Variants in NEUROD2 observed in about 807,000 individuals in gnomAD.
NEUROD2 encodes the protein neurogenic differentiation factor 2.
In NEUROD2, 5 loss-of-function variants were observed where a neutral mutation model predicts 9.3. That is an observed-to-expected ratio of 0.54 (90% CI 0.28 to 1.13). The LOEUF (loss-of-function observed/expected upper bound fraction) is 1.13, where lower values mean the gene tolerates loss of function less well. Among genes scored for constraint, NEUROD2 ranks in the 50% most tolerant of loss-of-function variants. The probability of loss-of-function intolerance (pLI) is 0.10; values close to 1 mark genes in which losing one functional copy is unlikely to be tolerated. For missense variants in NEUROD2, 376 were observed against 549.2 expected (o/e 0.68, Z 3.15); for synonymous variants, 277 against 257.3 (o/e 1.08, Z -0.73).
rs762213322 is a variant in NEUROD2 at position 39,606,072 on chromosome 17, G to T, written c.528C>A (p.Ile176=). The stretch of plus-strand genomic sequence containing the variant: ...GGTCTGGCCGCTTGCCGGAGCGCAG[G>T]ATCTCCGAGAGCGCCCAGATATAGT... ...AKNYIWALSE[I]LRSGKRPDLV... Residue 176 remains isoleucine, a synonymous_variant, in exon 2 of 2, where the codon ATC becomes ATA. Coordinates refer to ENST00000302584, the MANE Select transcript of NEUROD2 (RefSeq NM_006160.4). The surrounding 1 kb of genome is among the most constrained non-coding windows in gnomAD (Gnocchi z 7.8). 6.2e-7 allele frequency: 1 copy of T among 1,614,052 alleles called. No homozygotes were observed. The highest frequency in any genetic ancestry group is 1.1e-5 in the South Asian group (1 of 91,080).
rs148487519 is a variant in NEUROD2, at chr17:39,606,983, G to T, written c.-5-379C>A. The T allele has an allele frequency of 4.9e-3, 894 of 184,234 alleles. 7 individuals carry two copies. The highest frequency in any genetic ancestry group is 0.019 in the African/African-American group (822 of 42,490). 11.4% of individuals were successfully genotyped at this position (184,234 alleles called of 1,614,324 possible). A position where few individuals can be genotyped will look rare whatever the true frequency, so the allele number is the denominator to read the frequency against. Reference sequence around the variant, plus strand: ...CCCTGAAAGCCCGTTCTCTCCTGGCGGTGGAGAGAGGCTGGTCGGCCGCCG... The same window carrying T: ...CCCTGAAAGCCCGTTCTCTCCTGGCTGTGGAGAGAGGCTGGTCGGCCGCCG... On this transcript the variant is annotated intron_variant, in intron 1 of 1. Coordinates refer to ENST00000302584, the MANE Select transcript of NEUROD2 (RefSeq NM_006160.4). This position sits in a 1 kb window ranked among gnomAD's most constrained non-coding sequence, Gnocchi z 7.8.
intron 1 of NEUROD2, chr17:39,607,008 G>A (rs535714800): frequency 1.8e-5 from 3 of 170,156 alleles, no homozygotes; most frequent in African/African-American, 4.8e-5. Context: ...GTCGGCCGCC[G>A]GTGGGGACAG....
In NEUROD2 at chr17:39,604,972, T is replaced by C. The variant is rs1395775071; in HGVS notation, c.*479A>G. On this transcript the variant is annotated 3_prime_UTR_variant, in exon 2 of 2. Transcript: ENST00000302584. ...CAGGCCCGGGCTCCGGCGCCCTAAC[T>C]TCTACCCTCTTCAAGAAAGAGGGAG... 6.6e-6 allele frequency: 1 copy of C among 152,608 alleles called. No homozygotes were observed. Among genetic ancestry groups the C allele is most frequent in the Non-Finnish European group, 1.5e-5 (1 of 68,306 alleles). The allele number at this position is 152,608 out of a possible 1,614,324, so 9.5% of individuals were successfully genotyped here.
rs2056766752 is a variant in NEUROD2 at position 39,606,036 on chromosome 17, G to A, written c.564C>T (p.Tyr188=). The A allele has an allele frequency of 6.2e-7, 1 of 1,614,056 alleles. No homozygotes were observed. The highest frequency in any genetic ancestry group is 8.5e-7 in the Non-Finnish European group (1 of 1,179,920). The change falls in exon 2 of 2, where the codon TAC becomes TAT. Residue 188 remains tyrosine, a synonymous_variant. Coordinates refer to ENST00000302584, the MANE Select transcript of NEUROD2 (RefSeq NM_006160.4). This position sits in a 1 kb window ranked among gnomAD's most constrained non-coding sequence, Gnocchi z 7.8. The stretch of plus-strand genomic sequence containing the variant: ...ACAGACCCTTGCACAGAGTCTGCAC[G>A]TAGGACACTAGGTCTGGCCGCTTGC... ...RSGKRPDLVS[Y]VQTLCKGLSQ... is the part of the protein sequence containing the mutation.
chr17:39,605,152 T>G lies in NEUROD2; in HGVS notation c.*299A>C. The G allele has an allele frequency of 3.5e-5, 10 of 283,536 alleles. No homozygotes were observed. The highest frequency in any genetic ancestry group is 1.0e-4 in the Admixed American group (2 of 19,262). 17.6% of individuals were successfully genotyped at this position (283,536 alleles called of 1,614,324 possible). On this transcript the variant is annotated 3_prime_UTR_variant, in exon 2 of 2. Transcript: ENST00000302584. This position sits in a 1 kb window ranked among gnomAD's most constrained non-coding sequence, Gnocchi z 6.8. The stretch of plus-strand genomic sequence containing the variant: ...GAAACCTCAGCGAAGATATTGGGAA[T>G]GGGGGAGGGGTGCCTCCAGGGAGCC...
At position 39,605,644 on chromosome 17, in the gene NEUROD2, T is replaced by C. The variant is rs778638603; in HGVS notation, c.956A>G (p.His319Arg). Residue 319 changes from histidine to arginine, a missense_variant, in exon 2 of 2, where the codon CAC becomes CGC. His to Arg is a conservative substitution (Grantham distance 29). Transcript: ENST00000302584. This position sits in a 1 kb window ranked among gnomAD's most constrained non-coding sequence, Gnocchi z 6.8. ...CATAGAGTAGTGGTAGCTTTTCTCG[T>C]GGTCGGGCGAGGAGTCCTGCTTGAG... is the stretch of plus-strand genomic sequence containing the variant. ...FSLKQDSSPD[H>R]EKSYHYSMHY... 10 of 1,612,514 alleles carry C rather than the reference T, an allele frequency of 6.2e-6. No homozygotes were observed. In the East Asian group the frequency reaches 1.3e-4, roughly 22 times the overall value.
At chr17:39,607,077 C>G (rs1354954224) in intron 1 of NEUROD2, 3 of 154,634 alleles carry the variant, frequency 1.9e-5, no homozygotes, top group Non-Finnish European at 4.3e-5. Flanking sequence ...TCACCCCTCC[C>G]GTGGCTCTCA....
intron 1 of NEUROD2, 43 bp downstream of exon 1, chr17:39,607,685 C>G: frequency 1.0e-6 from 1 of 983,738 alleles, no homozygotes; most frequent in Non-Finnish European, 1.2e-6. Context: ...CGCCCCTCCT[C>G]CCAACCGGCG....
At position 39,606,217 on chromosome 17, in the gene NEUROD2, G is replaced by T; in HGVS notation, c.383C>A (p.Ala128Glu). The change falls in exon 2 of 2, where the codon GCG (alanine) becomes GAG (glutamate). Residue 128 changes from alanine (A) to glutamate (E), a missense_variant. Transcript: ENST00000302584. The surrounding 1 kb of genome is among the most constrained non-coding windows in gnomAD (Gnocchi z 7.8). Reference protein sequence around the residue: ...RSKLRRQKANARERNRMHDLN... With the variant: ...RSKLRRQKANERERNRMHDLN... The stretch of plus-strand genomic sequence containing the variant: ...GTCGTGCATGCGGTTGCGCTCCCGC[G>T]CGTTCGCCTTCTGCCGCCGAAGCTT... 1.2e-6 allele frequency: 2 copies of T among 1,611,856 alleles called. No homozygotes were observed.
Position 39,606,068 on chromosome 17 carries a change from G to T in NEUROD2, c.532C>A (p.Arg178Ser), listed in dbSNP as rs774751900. The change falls in exon 2 of 2, where the codon CGC becomes AGC. Residue 178 changes from arginine (R) to serine (S), a missense_variant. Around this residue, in one of 3 missense-constraint regions of NEUROD2, gnomAD observed 49 missense variants for 159.8 expected, o/e 0.31. Transcript: ENST00000302584. The surrounding 1 kb of genome is among the most constrained non-coding windows in gnomAD (Gnocchi z 7.8). The part of the protein sequence containing the change: ...NYIWALSEIL[R>S]SGKRPDLVSY... ...ACTAGGTCTGGCCGCTTGCCGGAGC[G>T]CAGGATCTCCGAGAGCGCCCAGATA... 2 of 1,613,996 alleles carry T rather than the reference G, an allele frequency of 1.2e-6. No individual in the cohort carries two copies. The highest frequency in any genetic ancestry group is 1.7e-6 in the Non-Finnish European group (2 of 1,179,888).
intron 1 of NEUROD2, chr17:39,607,483 G>T (rs902552293): frequency 8.8e-6 from 4 of 452,618 alleles, no homozygotes; most frequent in Non-Finnish European, 8.7e-6. Flanking sequence ...CGGCCTCTTC[G>T]CATATCCCCC....
chr17:39,605,279 G>T lies in NEUROD2; in HGVS notation c.*172C>A. The T allele has an allele frequency of 1.2e-6, 1 of 829,704 alleles. No individual in the cohort carries two copies. The highest frequency in any genetic ancestry group is 1.8e-6 in the Non-Finnish European group (1 of 558,078). The allele number at this position is 829,704 out of a possible 1,614,324, so 51.4% of individuals were successfully genotyped here. ...CCCCTGGGGGAAGCGAGGCCCCTGG[G>T]ACAGGCCACCCACAGGTAACAGGAC... On this transcript the variant is annotated 3_prime_UTR_variant, in exon 2 of 2. Transcript: ENST00000302584. This position sits in a 1 kb window ranked among gnomAD's most constrained non-coding sequence, Gnocchi z 6.8.
chr17:39,605,279 G>A lies in NEUROD2; in HGVS notation c.*172C>T. 1 of 829,706 alleles carries A rather than the reference G, an allele frequency of 1.2e-6. No homozygotes were observed. The highest frequency in any genetic ancestry group is 1.8e-6 in the Non-Finnish European group (1 of 558,080). The allele number at this position is 829,706 out of a possible 1,614,324, so 51.4% of individuals were successfully genotyped here. ...CCCCTGGGGGAAGCGAGGCCCCTGGGACAGGCCACCCACAGGTAACAGGAC... is the reference window on the plus strand; with the variant it reads ...CCCCTGGGGGAAGCGAGGCCCCTGGAACAGGCCACCCACAGGTAACAGGAC... On this transcript the variant is annotated 3_prime_UTR_variant, in exon 2 of 2. Coordinates refer to ENST00000302584, the MANE Select transcript of NEUROD2 (RefSeq NM_006160.4). The surrounding 1 kb of genome is among the most constrained non-coding windows in gnomAD (Gnocchi z 6.8).
Position 39,606,795 on chromosome 17 carries a change from C to T in NEUROD2, c.-5-191G>A. On this transcript the variant is annotated intron_variant, in intron 1 of 1. Transcript: ENST00000302584. This position sits in a 1 kb window ranked among gnomAD's most constrained non-coding sequence, Gnocchi z 7.8. ...GGCCCAGCCCTACCCGGCTGCCGGC[C>T]TGGGATCTCGGCCCAGGCCCTCTCC... is the stretch of plus-strand genomic sequence containing the variant. 3.5e-6 allele frequency: 2 copies of T among 566,212 alleles called. No individual in the cohort carries two copies. Among genetic ancestry groups the T allele is most frequent in the South Asian group, 2.6e-5 (1 of 39,146 alleles). 35.1% of individuals were successfully genotyped at this position (566,212 alleles called of 1,614,324 possible).
rs919921294 is a variant in NEUROD2 at position 39,605,208 on chromosome 17, T to C, written c.*243A>G. ...AGAGAGGTCCCTGGAGAAGCACTCC[T>C]TGGGAGAGAGGAGGAGGGAACCCCT... is the stretch of plus-strand genomic sequence containing the variant. On this transcript the variant is annotated 3_prime_UTR_variant, in exon 2 of 2. Transcript: ENST00000302584. This position sits in a 1 kb window ranked among gnomAD's most constrained non-coding sequence, Gnocchi z 6.8. 1 of 444,258 alleles carries C rather than the reference T, an allele frequency of 2.3e-6. No homozygotes were observed. Among genetic ancestry groups the C allele is most frequent in the South Asian group, 4.3e-5 (1 of 23,032 alleles). The allele number at this position is 444,258 out of a possible 1,614,324, so 27.5% of individuals were successfully genotyped here.
Position 39,605,608 on chromosome 17 carries a change from G to A in NEUROD2, c.992C>T (p.Ala331Val). Residue 331 changes from alanine to valine, a missense_variant, in exon 2 of 2, where the codon GCG becomes GTG. Coordinates refer to ENST00000302584, the MANE Select transcript of NEUROD2 (RefSeq NM_006160.4). The surrounding 1 kb of genome is among the most constrained non-coding windows in gnomAD (Gnocchi z 6.8). ...KSYHYSMHYS[A>V]LPGSRPTGHG... ...GCCCGTGGGCCGCGAACCGGGCAGC[G>A]CCGAGTAGTGCATAGAGTAGTGGTA... The A allele has an allele frequency of 6.2e-7, 1 of 1,613,722 alleles. No individual in the cohort carries two copies. Among genetic ancestry groups the A allele is most frequent in the Non-Finnish European group, 8.5e-7 (1 of 1,179,850 alleles).
In NEUROD2 at chr17:39,606,494, C is replaced by T. The variant is rs1220892057; in HGVS notation, c.106G>A (p.Ala36Thr). 5 of 1,543,726 alleles carry T rather than the reference C, an allele frequency of 3.2e-6. No homozygotes were observed. The highest frequency in any genetic ancestry group is 1.2e-5 in the South Asian group (1 of 84,970). The stretch of plus-strand genomic sequence containing the variant: ...GGCGCAGGCGGTGGCGGTGGCGGCG[C>T]GTCGCCCTTGTCGCTCCTCGGCTCG... Reference protein sequence around the residue: ...DDEPRSDKGDAPPPPPPAPGP... With the variant: ...DDEPRSDKGDTPPPPPPAPGP... Residue 36 changes from alanine to threonine, a missense_variant, in exon 2 of 2, where the codon GCG becomes ACG. By Grantham distance (58) the Ala-to-Thr change is moderately conservative (BLOSUM62 0). This residue lies in a region of NEUROD2 where 134 missense variants were observed against 133.6 expected (regional missense o/e 1.00). Transcript: ENST00000302584. This position sits in a 1 kb window ranked among gnomAD's most constrained non-coding sequence, Gnocchi z 7.8.
rs2056758551 is a variant in NEUROD2, at chr17:39,604,613, G to T, written c.*838C>A. ...GTGGAGCCTCCTTGCATAGATATTT[G>T]TGTCTTTGATTATTGGTAGTAGTGG... On this transcript the variant is annotated 3_prime_UTR_variant, in exon 2 of 2. Transcript: ENST00000302584. 1 of 152,056 alleles carries T rather than the reference G, an allele frequency of 6.6e-6. No individual in the cohort carries two copies. Among genetic ancestry groups the T allele is most frequent in the Non-Finnish European group, 1.5e-5 (1 of 67,968 alleles). 9.4% of individuals were successfully genotyped at this position (152,056 alleles called of 1,614,324 possible). A position where few individuals can be genotyped will look rare whatever the true frequency, so the allele number is the denominator to read the frequency against.
Position 39,605,584 on chromosome 17 carries a change from C to G in NEUROD2, c.1016G>C (p.Gly339Ala). Residue 339 changes from glycine to alanine, a missense_variant, in exon 2 of 2, where the codon GGC (glycine) becomes GCC (alanine). Transcript: ENST00000302584. The surrounding 1 kb of genome is among the most constrained non-coding windows in gnomAD (Gnocchi z 6.8). ...CGACGAGCCGAAGACTAGCCCGTGGCCCGTGGGCCGCGAACCGGGCAGCGC... is the reference window on the plus strand; with the variant it reads ...CGACGAGCCGAAGACTAGCCCGTGGGCCGTGGGCCGCGAACCGGGCAGCGC... Reference protein sequence around the residue: ...YSALPGSRPTGHGLVFGSSAV... With the variant: ...YSALPGSRPTAHGLVFGSSAV... 1 of 1,613,746 alleles carries G rather than the reference C, an allele frequency of 6.2e-7. No homozygotes were observed. The highest frequency in any genetic ancestry group is 1.1e-5 in the South Asian group (1 of 91,062).
Sources: allele counts gnomAD v4.1 joint callset, GRCh38; gene constraint gnomAD v4.1.1; regional missense constraint gnomAD v4.1.1; non-coding constraint Gnocchi (gnomAD v3.1); transcripts MANE v1.5; gene names NCBI Gene and HGNC (gene_info 2026-07-23, HGNC 2026-07-21).